The following ELP4 variants were observed in gnomAD, a reference collection of about 807,000 sequenced individuals.
ELP4 encodes elongator acetyltransferase complex subunit 4.
ELP4 carries 51 observed loss-of-function variants against 48.9 expected under a neutral mutation model. That is an observed-to-expected ratio of 1.04 (90% CI 0.83 to 1.32). ELP4 has a LOEUF of 1.32. Among genes scored for constraint, ELP4 ranks in the 40% most tolerant of loss-of-function variants. The pLI, the probability that ELP4 is intolerant of heterozygous loss-of-function variation, is 0.00. For synonymous variants in ELP4, 210 were observed against 189.2 expected, an observed-to-expected ratio of 1.11 and a Z score of -0.90; for missense variants, 519 against 514.6, an observed-to-expected ratio of 1.01 and a Z score of -0.08.
intron 3 of ELP4, among the ~76,000 whole-genome samples, chr11:31,567,779 A>G (rs1300547027): frequency 6.6e-6 from 1 of 152,224 alleles, no homozygotes; most frequent in Admixed American, 6.5e-5. Context: ...CAATAGCATT[A>G]TGACTAAAAA....
chr11:31,539,641 T>A (rs1420427611), intron 2 of ELP4, 21 bp from the exon 3 acceptor site: 11 of 1,588,076 alleles, frequency 6.9e-6, no homozygotes, highest in Non-Finnish European at 9.4e-6. Context: ...TGTTTCTAAC[T>A]GCAACTTTTC....
At chr11:31,678,726 G>T (rs1264381084) in intron 9 of ELP4, among the ~76,000 whole-genome samples, 1 of 152,098 alleles carries the variant, frequency 6.6e-6, no homozygotes, top group Non-Finnish European at 1.5e-5. Context: ...AAACATCCGT[G>T]TGCAGGTTTT....
Position 31,785,890 on chromosome 11 carries a change from ATACT to A in ELP4, c.*2369_*2372del, listed in dbSNP as rs1237701227. On this transcript the variant is annotated 3_prime_UTR_variant, in exon 10 of 10. Transcript: ENST00000640961. The stretch of plus-strand genomic sequence containing the variant: ...TTATCAGCTTGACTCAAAGATATAA[ATACT>A]TAAGAACAATGCCAAACGTAATATC... 5.1e-6 allele frequency: 1 copy of A among 195,764 alleles called. No individual in the cohort carries two copies. Among genetic ancestry groups the A allele is most frequent in the East Asian group, 8.0e-5 (1 of 12,428 alleles). 12.1% of individuals were successfully genotyped at this position (195,764 alleles called of 1,614,324 possible). A position where few individuals can be genotyped will look rare whatever the true frequency, so the allele number is the denominator to read the frequency against.
intron 5 of ELP4, among the ~76,000 whole-genome samples, chr11:31,605,533 C>T (rs995361325): frequency 1.3e-5 from 2 of 152,098 alleles, no homozygotes; most frequent in Non-Finnish European, 2.9e-5. Context: ...TAATGCCATA[C>T]TGTCTCCATT....
intron 9 of ELP4, among the ~76,000 whole-genome samples, chr11:31,755,174 G>A (rs1592283711): frequency 6.6e-6 from 1 of 152,192 alleles, no homozygotes; most frequent in East Asian, 1.9e-4. Context: ...CAAGAAAATA[G>A]TATTGTTTTT....
intron 9 of ELP4, among the ~76,000 whole-genome samples, chr11:31,678,828 G>A (rs530879879): frequency 1.5e-3 from 227 of 152,216 alleles, no homozygotes; most frequent in African/African-American, 5.2e-3. Context: ...GCAAGAAACT[G>A]GCAAACTGAC....
chr11:31,707,809 T>C (rs1946664566), intron 9 of ELP4, among the ~76,000 whole-genome samples: 1 of 152,198 alleles, frequency 6.6e-6, no homozygotes, highest in Admixed American at 6.5e-5. Context: ...ATTCCTTGGC[T>C]ATGGCCTCAT....
At chr11:31,610,225 A>T (rs75449396) in intron 5 of ELP4, among the ~76,000 whole-genome samples, 3,090 of 152,334 alleles carry the variant, frequency 0.02, 49 homozygotes, top group South Asian at 0.042. Context: ...AAGTGTGAAG[A>T]GAGATTCTGC....
intron 9 of ELP4, among the ~76,000 whole-genome samples, chr11:31,777,301 TC>T (rs1337880636): frequency 6.6e-6 from 1 of 152,192 alleles, no homozygotes; most frequent in African/African-American, 2.4e-5. Context: ...AGGAAATCTG[TC>T]TTTCCACAAA....
intron 2 of ELP4, among the ~76,000 whole-genome samples, chr11:31,522,790 C>T (rs527309669): frequency 8.6e-5 from 13 of 151,990 alleles, no homozygotes; most frequent in Middle Eastern, 3.4e-3. Context: ...CTTGACAACA[C>T]TTGTATGTTA....
intron 3 of ELP4, among the ~76,000 whole-genome samples, chr11:31,567,484 C>T (rs1957131777): frequency 6.6e-6 from 1 of 152,070 alleles, no homozygotes; most frequent in African/African-American, 2.4e-5. Context: ...ATATGCAGAC[C>T]ATAATAACTT....
At chr11:31,621,198 T>C (rs886221243) in intron 5 of ELP4, among the ~76,000 whole-genome samples, 14 of 151,946 alleles carry the variant, frequency 9.2e-5, no homozygotes, top group Non-Finnish European at 1.9e-4. Context: ...CTAAAATATA[T>C]GTGTAAATAG....
At chr11:31,766,679 T>C (rs765523110) in intron 9 of ELP4, among the ~76,000 whole-genome samples, 2 of 152,152 alleles carry the variant, frequency 1.3e-5, no homozygotes, top group Admixed American at 6.5e-5. Context: ...CACCTATAGA[T>C]ACTAGTGTTA....
chr11:31,521,051 C>G (rs1956204933), intron 2 of ELP4, among the ~76,000 whole-genome samples: 1 of 151,944 alleles, frequency 6.6e-6, no homozygotes, highest in African/African-American at 2.4e-5. Flanking sequence ...TTATTGACCC[C>G]TAAGGTAACA....
At chr11:31,690,278 C>G (rs947854779) in intron 9 of ELP4, among the ~76,000 whole-genome samples, 4 of 152,062 alleles carry the variant, frequency 2.6e-5, no homozygotes, top group African/African-American at 7.2e-5. Flanking sequence ...AGCTGCTTTC[C>G]TCCTTTTCTA....
chr11:31,562,475 G>A (rs538614690), intron 3 of ELP4, among the ~76,000 whole-genome samples: 1 of 152,208 alleles, frequency 6.6e-6, no homozygotes, highest in South Asian at 2.1e-4. Flanking sequence ...AAAGGATTGA[G>A]AACACTGTCC....
intron 3 of ELP4, among the ~76,000 whole-genome samples, chr11:31,547,023 A>G (rs553760260): frequency 6.6e-6 from 1 of 152,272 alleles, no homozygotes; most frequent in Admixed American, 6.5e-5. Context: ...AATGCCCACA[A>G]GAGAAAGCAG....
At chr11:31,651,424 C>T (rs779422591) in intron 9 of ELP4, 1 of 151,688 alleles carries the variant, frequency 6.6e-6, no homozygotes, top group Non-Finnish European at 1.5e-5. Flanking sequence ...AGAAGTTTCT[C>T]ATCTGGGGAC....
chr11:31,718,843 A>C (rs1342594903), intron 9 of ELP4, among the ~76,000 whole-genome samples: 4 of 152,244 alleles, frequency 2.6e-5, no homozygotes, highest in Non-Finnish European at 5.9e-5. Context: ...TTTATGGATT[A>C]GAACAATAAC....
Sources: gnomAD v4.1 joint callset for allele counts (sites outside exome capture counted in the v4.1 genomes callset) on GRCh38, gnomAD v4.1.1 for gene constraint, MANE v1.5 for transcripts, NCBI Gene and HGNC (gene_info 2026-07-23, HGNC 2026-07-21) for gene names.